ABCA4: variants seen among roughly 807,000 people sequenced by gnomAD.
The protein encoded by ABCA4 is retinal-specific phospholipid-transporting ATPase ABCA4.
Under a neutral mutation model 263.7 loss-of-function variants are expected in ABCA4, and 196 were observed. The observed-to-expected ratio is 0.74, with a 90% CI of 0.66 to 0.84. ABCA4 has a LOEUF of 0.84. Ranked by LOEUF, ABCA4 falls within the 40% of genes least tolerant of loss-of-function variation. ABCA4 has a pLI of 0.00. For missense variants in ABCA4, 2,792 were observed against 2,855.1 expected (o/e 0.98, Z 0.50); for synonymous variants, 1,133 against 1,094.2 (o/e 1.04, Z -0.70).
At chr1:94,002,499 G>A (rs1646771893) in intron 44 of ABCA4, among the ~76,000 whole-genome samples, 3 of 152,256 alleles carry the variant, frequency 2.0e-5, no homozygotes, top group Admixed American at 2.0e-4. Flanking sequence ...CAGACTGCGG[G>A]GAGGTGGCAG....
intron 16 of ABCA4, 42 bp downstream of exon 16, chr1:94,055,069 G>T: frequency 6.4e-7 from 1 of 1,564,778 alleles, no homozygotes; most frequent in Non-Finnish European, 8.8e-7. Flanking sequence ...CTGGGGATCT[G>T]AAGAACTCAA....
chr1:94,051,847 C>T (rs145921576), intron 16 of ABCA4, 149 bp from the exon 17 acceptor site: 1 of 700,926 alleles, frequency 1.4e-6, no homozygotes, highest in South Asian at 1.6e-5. Context: ...TATTCTCAGG[C>T]TCCCAGAAAG....
chr1:94,052,508 C>T (rs1263228059), intron 16 of ABCA4, among the ~76,000 whole-genome samples: 1 of 152,198 alleles, frequency 6.6e-6, no homozygotes, highest in African/African-American at 2.4e-5. Context: ...CCCTGCTGAG[C>T]CTCATGCACA....
intron 10 of ABCA4, 147 bp from the exon 11 acceptor site, chr1:94,078,034 A>G: frequency 2.7e-6 from 2 of 743,180 alleles, no homozygotes; most frequent in Non-Finnish European, 4.4e-6. Flanking sequence ...CCACTATGAA[A>G]CATACCTATC....
intron 38 of ABCA4, among the ~76,000 whole-genome samples, chr1:94,013,673 A>G (rs1427920249): frequency 2.6e-5 from 4 of 151,996 alleles, no homozygotes; most frequent in Admixed American, 2.6e-4. Flanking sequence ...TTTATGATTC[A>G]GTTTGGCCAT....
At chr1:94,014,268 A>AG (rs1306398436) in intron 38 of ABCA4, among the ~76,000 whole-genome samples, 1 of 149,476 alleles carries the variant, frequency 6.7e-6, no homozygotes, top group African/African-American at 2.5e-5. Context: ...GGAAAGAGGA[A>AG]GGGAAGGAGG....
intron 24 of ABCA4, among the ~76,000 whole-genome samples, chr1:94,039,694 G>A (rs1420959590): frequency 6.6e-6 from 1 of 152,218 alleles, no homozygotes; most frequent in Non-Finnish European, 1.5e-5. Context: ...TTCCACTAGA[G>A]GGCGCCACGG....
At chr1:94,011,091 G>A (rs1659533477) in intron 39 of ABCA4, among the ~76,000 whole-genome samples, 162 bp from the exon 40 acceptor site, 1 of 152,084 alleles carries the variant, frequency 6.6e-6, no homozygotes, top group Non-Finnish European at 1.5e-5. Flanking sequence ...TGGCTCCCCA[G>A]CCATGGAAAC....
At chr1:94,005,734 C>T (rs991922995) in intron 43 of ABCA4, 152 bp from the exon 44 acceptor site, 4 of 695,206 alleles carry the variant, frequency 5.8e-6, no homozygotes, top group African/African-American at 1.8e-5. Context: ...ATTTGGGAAT[C>T]AAAACAGGGG....
chr1:94,032,372 C>T (rs867805867), intron 26 of ABCA4, among the ~76,000 whole-genome samples: 59 of 152,188 alleles, frequency 3.9e-4, no homozygotes, highest in African/African-American at 1.4e-3. Context: ...CACGGAGGCT[C>T]ACGCCTGTCA....
intron 16 of ABCA4, among the ~76,000 whole-genome samples, chr1:94,053,008 G>C (rs1006902551): frequency 1.7e-4 from 26 of 152,180 alleles, no homozygotes; most frequent in African/African-American, 6.3e-4. Context: ...AACCTCCAAT[G>C]GGGGAGTATG....
chr1:94,045,820 C>T, intron 19 of ABCA4: 1 of 456,284 alleles, frequency 2.2e-6, no homozygotes, highest in South Asian at 1.5e-5. Context: ...TGGGGCTCTC[C>T]AAAGGACTTG....
chr1:94,095,042 G>A (rs569598030), intron 6 of ABCA4, among the ~76,000 whole-genome samples: 2 of 152,332 alleles, frequency 1.3e-5, no homozygotes, highest in South Asian at 4.1e-4. Flanking sequence ...CCAGTCATTT[G>A]GCTCTTATTT....
intron 6 of ABCA4, among the ~76,000 whole-genome samples, chr1:94,091,570 A>C (rs1661967699): frequency 7.0e-6 from 1 of 142,722 alleles, no homozygotes; most frequent in African/African-American, 2.7e-5. Context: ...CAAAATGGCA[A>C]ACATCATCTC....
chr1:94,023,195 A>T (rs1381969053), intron 32 of ABCA4, among the ~76,000 whole-genome samples, 191 bp downstream of exon 32: 2 of 152,170 alleles, frequency 1.3e-5, no homozygotes, highest in Admixed American at 1.3e-4. Context: ...CTCCAAGAAG[A>T]GGCACCACTG....
In ABCA4 at chr1:94,008,228, T is replaced by C; in HGVS notation, c.5898+7A>G. 6.2e-7 allele frequency: 1 copy of C among 1,613,802 alleles called. No individual in the cohort carries two copies. The highest frequency in any genetic ancestry group is 8.5e-7 in the Non-Finnish European group (1 of 1,179,828). On this transcript the variant is annotated splice_region_variant and intron_variant, in intron 42 of 49. Transcript: ENST00000370225. ...AGCCTTTCACACGTGGTCTGCAGAGTACCCACCTCTCCAGGGCGAACTCCG... is the reference window on the plus strand; with the variant it reads ...AGCCTTTCACACGTGGTCTGCAGAGCACCCACCTCTCCAGGGCGAACTCCG...
intron 22 of ABCA4, 52 bp from the exon 23 acceptor site, chr1:94,041,454 G>A (rs1164441966): frequency 8.1e-6 from 13 of 1,596,956 alleles, no homozygotes; most frequent in Non-Finnish European, 1.0e-5. Flanking sequence ...GTTGGGCATT[G>A]TTGGTAAAGG....
In ABCA4 at chr1:94,048,010, C is replaced by A. The variant is rs141906232; in HGVS notation, c.2743+858G>T. 4.1e-3 allele frequency among the ~76,000 whole-genome samples: 632 copies of A among 152,374 alleles called. 3 individuals carry two copies. Among genetic ancestry groups the A allele is most frequent in the Non-Finnish European group, 6.7e-3 (457 of 68,040 alleles). On this transcript the variant is annotated intron_variant, in intron 18 of 49. Transcript: ENST00000370225. ...GGCCTTGCCTGCAACTGAGGTGGAA[C>A]CAGTCCCCAGCCTCCTGATTTGGCT...
intron 6 of ABCA4, among the ~76,000 whole-genome samples, chr1:94,093,254 T>C (rs1205669962): frequency 2.0e-5 from 3 of 152,210 alleles, no homozygotes; most frequent in African/African-American, 7.2e-5. Flanking sequence ...AGAAAAACAT[T>C]TTAATGTAAA....
Sources: gnomAD v4.1 joint callset for allele counts (sites outside exome capture counted in the v4.1 genomes callset) on GRCh38, gnomAD v4.1.1 for gene constraint, MANE v1.5 for transcripts, NCBI Gene and HGNC (gene_info 2026-07-23, HGNC 2026-07-21) for gene names.